The following HEXB variants were observed in gnomAD, a reference collection of about 807,000 sequenced individuals.
The protein encoded by HEXB is hexosaminidase subunit beta.
Under a neutral mutation model 71.2 loss-of-function variants are expected in HEXB, and 51 were observed. That is an observed-to-expected ratio of 0.72 (90% CI 0.57 to 0.90). The LOEUF (loss-of-function observed/expected upper bound fraction) is 0.90. HEXB is among the 40% of genes least tolerant of loss of function. The probability of loss-of-function intolerance (pLI) is 0.00; values close to 1 mark genes in which losing one functional copy is unlikely to be tolerated. For synonymous variants in HEXB, 266 were observed against 249.3 expected, an observed-to-expected ratio of 1.07 and a Z score of -0.63; for missense variants, 617 against 677.0, an observed-to-expected ratio of 0.91 and a Z score of 0.98.
rs775843215 is a variant in HEXB, at chr5:74,718,273, A to T, written c.1170-18A>T. 13 of 1,462,602 alleles carry T rather than the reference A, an allele frequency of 8.9e-6. No individual in the cohort carries two copies. Among genetic ancestry groups the T allele is most frequent in the South Asian group, 3.4e-5 (3 of 87,948 alleles). 90.6% of individuals were successfully genotyped at this position (1,462,602 alleles called of 1,614,324 possible). ...AAGCTTATGATCTAAAATAACTATA[A>T]TTTTTTTGTAATACTAGGGTTTTGG... On this transcript the variant is annotated intron_variant, in intron 9 of 13. Coordinates refer to ENST00000261416, the MANE Select transcript of HEXB (RefSeq NM_000521.4).
intron 1 of HEXB, among the ~76,000 whole-genome samples, chr5:74,642,986 G>T (rs747086612): frequency 1.3e-5 from 2 of 152,166 alleles, no homozygotes; most frequent in African/African-American, 4.8e-5. Flanking sequence ...GTATACATTC[G>T]CTTCATCTGC....
At chr5:74,685,717 C>G (rs1373431095) in intron 1 of HEXB, among the ~76,000 whole-genome samples, 158 bp downstream of exon 1, 1 of 152,152 alleles carries the variant, frequency 6.6e-6, no homozygotes, top group African/African-American at 2.4e-5. Context: ...TGAACCCACG[C>G]TCTTGCCCCC....
upstream of HEXB, among the ~76,000 whole-genome samples, chr5:74,681,283 C>G (rs2112115832): frequency 6.6e-6 from 1 of 152,200 alleles, no homozygotes; most frequent in East Asian, 1.9e-4. Context: ...ACCACTGAGG[C>G]TCAGGGGTTG....
chr5:74,672,470 G>C (rs1387575347), intron 1 of HEXB, among the ~76,000 whole-genome samples: 1 of 152,204 alleles, frequency 6.6e-6, no homozygotes. Flanking sequence ...CCATGCCCCA[G>C]AGTCAGATCC....
At chr5:74,706,050 C>G (rs901191168) in intron 6 of HEXB, 1 of 153,042 alleles carries the variant, frequency 6.5e-6, no homozygotes, top group African/African-American at 2.4e-5. Context: ...TGGCAAATTT[C>G]AAACATATAC....
chr5:74,708,746 C>G (rs1341165845), intron 6 of HEXB, among the ~76,000 whole-genome samples: 1 of 150,766 alleles, frequency 6.6e-6, no homozygotes, highest in Non-Finnish European at 1.5e-5. Context: ...AGCTAACTAT[C>G]CTAAATATAT....
intron 1 of HEXB, among the ~76,000 whole-genome samples, chr5:74,648,284 A>C (rs7704467): frequency 6.6e-6 from 1 of 152,056 alleles, no homozygotes; most frequent in African/African-American, 2.4e-5. Context: ...CAAGCATTAG[A>C]TTATTGTAAG....
intron 1 of HEXB, among the ~76,000 whole-genome samples, chr5:74,667,417 CA>C (rs539301554): frequency 3.5e-4 from 52 of 146,726 alleles, no homozygotes; most frequent in South Asian, 1.1e-3. Context: ...AAAACTCTCT[CA>C]AAAAAAAAAA....
chr5:74,695,937 C>T (rs1749104625), intron 3 of HEXB, among the ~76,000 whole-genome samples: 1 of 151,904 alleles, frequency 6.6e-6, no homozygotes, highest in African/African-American at 2.4e-5. Context: ...ATCAGACTTT[C>T]AGAGTAATGT....
chr5:74,660,597 C>T (rs1390762511), intron 1 of HEXB, among the ~76,000 whole-genome samples: 1 of 152,214 alleles, frequency 6.6e-6, no homozygotes, highest in East Asian at 1.9e-4. Flanking sequence ...CAGATGCTCC[C>T]AATCCCAGTC....
intron 9 of HEXB, 132 bp from the exon 10 acceptor site, chr5:74,718,159 T>G (rs1343744140): frequency 2.9e-6 from 2 of 692,070 alleles, no homozygotes; most frequent in South Asian, 1.6e-5. Context: ...TTGAGCTGCT[T>G]CTGCTATAAA....
chr5:74,721,011 G>GATTCTAATTTAAGTTTC, intron 13 of HEXB, 107 bp from the exon 14 acceptor site: 2 of 1,000,268 alleles, frequency 2.0e-6, no homozygotes, highest in South Asian at 2.7e-5. Context: ...GTGATTTAGT[G>GATTCTAATTTAAGTTTC]ATTCTAATTT....
intron 7 of HEXB, among the ~76,000 whole-genome samples, chr5:74,714,198 C>T (rs531169253): frequency 7.9e-5 from 12 of 152,154 alleles, no homozygotes; most frequent in Non-Finnish European, 1.0e-4. Flanking sequence ...TATTTTATGA[C>T]CTAGTGTTTG....
intron 1 of HEXB, among the ~76,000 whole-genome samples, chr5:74,660,780 T>C (rs754694969): frequency 2.0e-4 from 30 of 152,220 alleles, no homozygotes; most frequent in Non-Finnish European, 3.7e-4. Context: ...AAAAATGTTC[T>C]AGTGCTCACA....
chr5:74,713,711 T>C, intron 7 of HEXB, 76 bp downstream of exon 7: 1 of 1,212,048 alleles, frequency 8.3e-7, no homozygotes. Context: ...TCACCCAGGC[T>C]GGAGTGCAGT....
In HEXB at chr5:74,705,292, G is replaced by T; in HGVS notation, c.743G>T (p.Ser248Ile). The change falls in exon 6 of 14, where the codon AGC (serine) becomes ATC (isoleucine). Residue 248 changes from serine (S) to isoleucine (I), a missense_variant. Ser to Ile is a moderately radical substitution (Grantham distance 142). Transcript: ENST00000261416. ...IVDDQSFPYQ[S>I]ITFPELSNKG... ...GATGACCAGTCTTTCCCATATCAGA[G>T]CATCACTTTTCCTGAGTTAAGCAAT... 1 of 1,606,324 alleles carries T rather than the reference G, an allele frequency of 6.2e-7. No homozygotes were observed.
chr5:74,709,936 A>G (rs577548005), intron 6 of HEXB, among the ~76,000 whole-genome samples: 2 of 152,220 alleles, frequency 1.3e-5, no homozygotes, highest in East Asian at 3.9e-4. Flanking sequence ...AACTCATTTT[A>G]TGAGGCCAGC....
chr5:74,695,368 T>C (rs1205980141), intron 3 of HEXB, among the ~76,000 whole-genome samples: 1 of 151,068 alleles, frequency 6.6e-6, no homozygotes, highest in Non-Finnish European at 1.5e-5. Context: ...CACGCCTGGC[T>C]AATTTTTTGT....
At chr5:74,701,121 G>A (rs1324139908) in intron 5 of HEXB, among the ~76,000 whole-genome samples, 4 of 151,402 alleles carry the variant, frequency 2.6e-5, no homozygotes, top group East Asian at 1.9e-4. Flanking sequence ...GAGCTCAGGC[G>A]ATCCACCTGC....
Sources: gnomAD v4.1 joint callset for allele counts (sites outside exome capture counted in the v4.1 genomes callset) on GRCh38, gnomAD v4.1.1 for gene constraint, MANE v1.5 for transcripts, NCBI Gene and HGNC (gene_info 2026-07-23, HGNC 2026-07-21) for gene names.